Variants in CCDC66 observed in about 807,000 individuals in gnomAD.
CCDC66 encodes the protein coiled-coil domain containing 66.
Under a neutral mutation model 128.3 loss-of-function variants are expected in CCDC66, and 133 were observed. That is an observed-to-expected ratio of 1.04 (90% CI 0.90 to 1.20). CCDC66 has a LOEUF of 1.20. Ranked by LOEUF, CCDC66 falls within the 50% of genes most tolerant of loss-of-function variation. The probability of loss-of-function intolerance (pLI) is 0.00; values close to 1 mark genes in which losing one functional copy is unlikely to be tolerated. For synonymous variants in CCDC66, 387 were observed against 357.0 expected, an observed-to-expected ratio of 1.08 and a Z score of -0.95; for missense variants, 1,126 against 1,075.5, an observed-to-expected ratio of 1.05 and a Z score of -0.66.
chr3:56,593,882 G>T, intron 9 of CCDC66, 62 bp from the exon 10 acceptor site: 6 of 1,592,826 alleles, frequency 3.8e-6, no homozygotes, highest in Non-Finnish European at 5.2e-6. Context: ...AAACAAAAAT[G>T]ATTTAGCTTG....
chr3:56,583,803 A>G (rs1331803420), intron 7 of CCDC66, among the ~76,000 whole-genome samples: 2 of 151,836 alleles, frequency 1.3e-5, no homozygotes, highest in African/African-American at 4.8e-5. Flanking sequence ...GTTCTCAATG[A>G]GCTGTTGGGT....
chr3:56,596,210 G>A (rs1242338514), intron 10 of CCDC66, among the ~76,000 whole-genome samples: 1 of 151,894 alleles, frequency 6.6e-6, no homozygotes, highest in Non-Finnish European at 1.5e-5. Context: ...TGAGCCACCG[G>A]GCCCAGCATT....
At chr3:56,611,814 C>G (rs2074869167) in intron 10 of CCDC66, among the ~76,000 whole-genome samples, 2 of 152,216 alleles carry the variant, frequency 1.3e-5, no homozygotes, top group South Asian at 4.1e-4. Flanking sequence ...GACTCAGCCC[C>G]AGGTAAAGTC....
chr3:56,583,807 G>A (rs2068864981), intron 7 of CCDC66, among the ~76,000 whole-genome samples: 2 of 151,850 alleles, frequency 1.3e-5, no homozygotes, highest in Admixed American at 1.3e-4. Context: ...TCAATGAGCT[G>A]TTGGGTACAC....
chr3:56,598,145 TTTTGTTTTG>T (rs141848289), intron 10 of CCDC66, among the ~76,000 whole-genome samples: 56,065 of 114,038 alleles, frequency 0.49, 13,086 homozygotes, highest in Non-Finnish European at 0.61. Flanking sequence ...GTTTGTTTTG[TTTTGTTTTG>T]TTTGTTTGTT....
chr3:56,570,554 A>G (rs1221838669), intron 6 of CCDC66: 4 of 158,820 alleles, frequency 2.5e-5, no homozygotes, highest in Non-Finnish European at 5.4e-5. Context: ...AATAGAGACC[A>G]TCCTAGCCAA....
At chr3:56,604,820 T>G (rs1444261148) in intron 10 of CCDC66, among the ~76,000 whole-genome samples, 2 of 152,068 alleles carry the variant, frequency 1.3e-5, no homozygotes, top group Non-Finnish European at 2.9e-5. Flanking sequence ...TGGCCTGTCT[T>G]GCTAGGTTGG....
At chr3:56,575,699 T>C (rs1407598768) in intron 7 of CCDC66, among the ~76,000 whole-genome samples, 1 of 151,908 alleles carries the variant, frequency 6.6e-6, no homozygotes. Flanking sequence ...TCTAAGAGTT[T>C]TCTAGTTCTA....
chr3:56,560,699 G>A (rs2064986709), intron 3 of CCDC66, among the ~76,000 whole-genome samples: 1 of 152,140 alleles, frequency 6.6e-6, no homozygotes, highest in Admixed American at 6.5e-5. Context: ...CAGCCTGGGG[G>A]ACAGAGCGAA....
rs138809897 is a variant in CCDC66 at position 56,585,226 on chromosome 3, G to A, written c.937-7744G>A. Among the ~76,000 whole-genome samples, 331 of 151,898 alleles carry A rather than the reference G, an allele frequency of 2.2e-3. 7 individuals are homozygous for A. Among genetic ancestry groups the A allele is most frequent in the Middle Eastern group, 0.017 (5 of 294 alleles). ...ACTCATATCTTAAGGAATTGAAGTG[G>A]TCCAGGAAATCTTTGTACAGGAATA... On this transcript the variant is annotated intron_variant, in intron 7 of 17. Transcript: ENST00000394672.
In CCDC66 at chr3:56,575,601, T is replaced by C. The variant is rs79357733; in HGVS notation, c.936+4299T>C. Among the ~76,000 whole-genome samples, 464 of 152,014 alleles carry C rather than the reference T, an allele frequency of 3.1e-3. 1 individual carries two copies. Among genetic ancestry groups the C allele is most frequent in the Non-Finnish European group, 5.4e-3 (365 of 68,022 alleles). On this transcript the variant is annotated intron_variant, in intron 7 of 17. Transcript: ENST00000394672. ...AAAAGTCTTTAATTTTGATGAAGTCTGTTTTATCTCTTTTCTTTTGTTGCC... is the reference window on the plus strand; with the variant it reads ...AAAAGTCTTTAATTTTGATGAAGTCCGTTTTATCTCTTTTCTTTTGTTGCC...
At position 56,557,250 on chromosome 3, in the gene CCDC66, T is replaced by TGGGGTAAGCAGGGGTAAGCA. The variant is rs60235683; in HGVS notation, c.11+16_11+17insAGGGGTAAGCAGGGGTAAGC. The TGGGGTAAGCAGGGGTAAGCA allele has an allele frequency of 2.5e-4, 385 of 1,547,076 alleles. 2 individuals carry two copies. The highest frequency in any genetic ancestry group is 1.7e-3 in the African/African-American group (126 of 72,536). ...AGAGTGCGAGGTCAGGCCATGAACTTGGGGTAAGCAGGGGTAAGCTGGGGT... is the reference window on the plus strand; with the variant it reads ...AGAGTGCGAGGTCAGGCCATGAACTTGGGGTAAGCAGGGGTAAGCAGGGGTAAGCAGGGGTAAGCTGGGGT... On this transcript the variant is annotated stop_gained and frameshift_variant, in exon 1 of 18. Transcript: ENST00000394672. LOFTEE classifies it high-confidence loss of function.
intron 7 of CCDC66, among the ~76,000 whole-genome samples, chr3:56,574,963 TC>T (rs1222038992): frequency 6.6e-6 from 1 of 151,912 alleles, no homozygotes; most frequent in Non-Finnish European, 1.5e-5. Context: ...TTGGATTGTT[TC>T]TACCTTTTGG....
chr3:56,582,945 C>A (rs1029813936), intron 7 of CCDC66, among the ~76,000 whole-genome samples: 1 of 150,322 alleles, frequency 6.7e-6, no homozygotes, highest in African/African-American at 2.4e-5. Context: ...GGCACAATCA[C>A]GGCTAACTGC....
At position 56,615,157 on chromosome 3, in the gene CCDC66, A is replaced by C; in HGVS notation, c.1596A>C (p.Leu532=). 6.2e-7 allele frequency: 1 copy of C among 1,614,154 alleles called. No homozygotes were observed. Among genetic ancestry groups the C allele is most frequent in the Non-Finnish European group, 8.5e-7 (1 of 1,180,002 alleles). The change falls in exon 12 of 18, where the codon CTA becomes CTC. Residue 532 remains leucine (L), a synonymous_variant. Transcript: ENST00000394672. ...EEIMTLKTNE[L]FQTMQRAQEL... Reference sequence around the variant, plus strand: ...TCATGACTCTCAAGACAAATGAGCTATTCCAGACAATGCAGCGAGCACAGG... The same window carrying C: ...TCATGACTCTCAAGACAAATGAGCTCTTCCAGACAATGCAGCGAGCACAGG...
At chr3:56,562,641 A>G (rs1333574970) in intron 3 of CCDC66, among the ~76,000 whole-genome samples, 12 of 151,680 alleles carry the variant, frequency 7.9e-5, no homozygotes, top group Non-Finnish European at 1.8e-4. Flanking sequence ...ATATATATAT[A>G]TTTTGTTTGT....
At chr3:56,607,740 A>G (rs909449898) in intron 10 of CCDC66, among the ~76,000 whole-genome samples, 4 of 152,084 alleles carry the variant, frequency 2.6e-5, no homozygotes, top group African/African-American at 9.7e-5. Context: ...AATGCTTTCA[A>G]CTTTTCCCCA....
rs763618270 is a variant in CCDC66 at position 56,619,901 on chromosome 3, G to A, written c.2760G>A (p.Gln920=). ...TTAAGGGACTTTCAGAACTGAGACA[G>A]GTATGAGCTTTTTCAAGTGTAGATA... ...AILKGLSELR[Q]GLLQKQKELE... Residue 920 remains glutamine, a splice_region_variant and synonymous_variant, in exon 17 of 18, where the codon CAG becomes CAA. Coordinates refer to ENST00000394672, the MANE Select transcript of CCDC66 (RefSeq NM_001141947.3). 1 of 1,613,510 alleles carries A rather than the reference G, an allele frequency of 6.2e-7. No individual in the cohort carries two copies. The highest frequency in any genetic ancestry group is 1.1e-5 in the South Asian group (1 of 90,978).
In CCDC66 at chr3:56,619,372, TGA is replaced by T; in HGVS notation, c.2481_2482del (p.Leu827PhefsTer5). ...AACAGTAGCTATGAGAGAGAGAATT[TGA>T]TCTCAGGAAGTAATCAAACAGAATT... is the stretch of plus-strand genomic sequence containing the variant. On this transcript the variant is annotated frameshift_variant, in exon 16 of 18. Transcript: ENST00000394672. LOFTEE classifies it high-confidence loss of function. 1 of 1,613,902 alleles carries T rather than the reference TGA, an allele frequency of 6.2e-7. No homozygotes were observed. The highest frequency in any genetic ancestry group is 1.1e-5 in the South Asian group (1 of 91,056).
Sources: gnomAD v4.1 joint callset for allele counts (sites outside exome capture counted in the v4.1 genomes callset) on GRCh38, gnomAD v4.1.1 for gene constraint, MANE v1.5 for transcripts, NCBI Gene and HGNC (gene_info 2026-07-23, HGNC 2026-07-21) for gene names.